MTCL2: variants seen among roughly 807,000 people sequenced by gnomAD.
MTCL2 encodes microtubule cross-linking factor 2.
chr20:36,835,544 C>T, the MTCL2 span, among the ~76,000 whole-genome samples: 1 of 152,140 alleles, frequency 6.6e-6, no homozygotes, highest in Admixed American at 6.5e-5. Context: ...CTAGGCAGCG[C>T]CCGCCCCCTC....
At chr20:36,817,069 C>T in the MTCL2 span, among the ~76,000 whole-genome samples, 2 of 151,850 alleles carry the variant, frequency 1.3e-5, no homozygotes, top group African/African-American at 4.8e-5. Flanking sequence ...GAGTTCAAGA[C>T]CAGCCTGGTC....
chr20:36,793,181 C>T, the MTCL2 span: 1 of 1,464,730 alleles, frequency 6.8e-7, no homozygotes, highest in Non-Finnish European at 9.0e-7. The surrounding 1 kb of genome is among the most constrained non-coding windows in gnomAD (Gnocchi z 6.8). Flanking sequence ...AACTTAAAAA[C>T]CAAAAGAGCT....
At chr20:36,783,888 T>G in the MTCL2 span, 4 of 985,176 alleles carry the variant, frequency 4.1e-6, no homozygotes, top group East Asian at 4.5e-4. Flanking sequence ...TATTTACATG[T>G]AACATTTTCA....
At chr20:36,823,799 C>T in the MTCL2 span, among the ~76,000 whole-genome samples, 1 of 152,134 alleles carries the variant, frequency 6.6e-6, no homozygotes, top group African/African-American at 2.4e-5. Context: ...CACAGCAAGA[C>T]TCTTGTCTCC....
At chr20:36,853,059 A>G in the MTCL2 span, among the ~76,000 whole-genome samples, 3 of 146,530 alleles carry the variant, frequency 2.0e-5, no homozygotes, top group South Asian at 6.5e-4. Context: ...TTCGTCTCCA[A>G]AAAAAAAAAA....
the MTCL2 span, among the ~76,000 whole-genome samples, chr20:36,816,755 A>G: frequency 6.6e-6 from 1 of 152,174 alleles, no homozygotes; most frequent in Non-Finnish European, 1.5e-5. Context: ...TAGATAGGAA[A>G]TGGAGCCCAG....
chr20:36,797,417 A>G, the MTCL2 span: 1 of 1,412,498 alleles, frequency 7.1e-7, no homozygotes, highest in South Asian at 1.3e-5. Context: ...CAGGGTTAGC[A>G]ACTTCCTCTC....
At chr20:36,850,355 C>T in the MTCL2 span, among the ~76,000 whole-genome samples, 1 of 151,972 alleles carries the variant, frequency 6.6e-6, no homozygotes, top group Admixed American at 6.6e-5. Context: ...ATGGCGAAAC[C>T]GTCTCTATAA....
the MTCL2 span, among the ~76,000 whole-genome samples, chr20:36,858,020 C>T: frequency 1.3e-5 from 2 of 152,130 alleles, no homozygotes; most frequent in African/African-American, 4.8e-5. Context: ...GGGCCCCCAG[C>T]ATGCCTTAGC....
the MTCL2 span, chr20:36,863,300 G>A: frequency 2.5e-6 from 3 of 1,186,730 alleles, no homozygotes; most frequent in Non-Finnish European, 2.1e-6. The surrounding 1 kb of genome is among the most constrained non-coding windows in gnomAD (Gnocchi z 6.2). Flanking sequence ...GCGCGGGCTG[G>A]GGACCGCAGC....
chr20:36,837,765 T>C, the MTCL2 span, among the ~76,000 whole-genome samples: 2 of 151,588 alleles, frequency 1.3e-5, no homozygotes, highest in African/African-American at 2.4e-5. Context: ...TTAGTAGAGA[T>C]GGGGTTTCAC....
At chr20:36,836,045 C>G in the MTCL2 span, among the ~76,000 whole-genome samples, 5 of 151,620 alleles carry the variant, frequency 3.3e-5, no homozygotes, top group Admixed American at 2.0e-4. Context: ...TTCCCTCCCC[C>G]TCCCCATCTC....
chr20:36,861,077 T>A, the MTCL2 span, among the ~76,000 whole-genome samples: 5 of 152,140 alleles, frequency 3.3e-5, no homozygotes. Flanking sequence ...CCATCCCCCT[T>A]CACCAGAGTG....
chr20:36,830,021 A>T, the MTCL2 span, among the ~76,000 whole-genome samples: 1 of 151,792 alleles, frequency 6.6e-6, no homozygotes, highest in Non-Finnish European at 1.5e-5. Flanking sequence ...ATAAAAAGAA[A>T]CGGGGTCTCA....
At chr20:36,854,855 G>A in the MTCL2 span, among the ~76,000 whole-genome samples, 1 of 152,116 alleles carries the variant, frequency 6.6e-6, no homozygotes, top group South Asian at 2.1e-4. Flanking sequence ...TAGCAAATGT[G>A]TATCACCAGT....
the MTCL2 span, chr20:36,812,893 G>T: frequency 1.3e-4 from 208 of 1,574,256 alleles, no homozygotes; most frequent in Non-Finnish European, 1.8e-4. Context: ...CCATGGGGAG[G>T]GGCCCGAGGG....
chr20:36,813,214 G>A, the MTCL2 span, among the ~76,000 whole-genome samples: 1 of 146,164 alleles, frequency 6.8e-6, no homozygotes, highest in Non-Finnish European at 1.5e-5. Flanking sequence ...TATGGGCACA[G>A]TGGCATGTGC....
At chr20:36,847,368 C>G in the MTCL2 span, among the ~76,000 whole-genome samples, 1 of 152,194 alleles carries the variant, frequency 6.6e-6, no homozygotes, top group Non-Finnish European at 1.5e-5. Context: ...ATTCAAACCC[C>G]ACACTCTGAA....
the MTCL2 span, chr20:36,778,931 C>T: frequency 6.6e-6 from 1 of 152,176 alleles, no homozygotes; most frequent in South Asian, 2.1e-4. Context: ...GGCAGCCAGC[C>T]CTGACTGCCT....
Sources: gnomAD v4.1 joint callset for allele counts (sites outside exome capture counted in the v4.1 genomes callset) on GRCh38, gnomAD v4.1.1 for gene constraint, Gnocchi (gnomAD v3.1) non-coding constraint, MANE v1.5 for transcripts, NCBI Gene and HGNC (gene_info 2026-07-23, HGNC 2026-07-21) for gene names.